RASGRF2: variants seen among roughly 807,000 people sequenced by gnomAD.
The protein encoded by RASGRF2 is ras-specific guanine nucleotide-releasing factor 2.
A neutral mutation model predicts 151.0 loss-of-function variants in RASGRF2; 76 were observed. The ratio of observed to expected loss-of-function variants is 0.50; its 90% CI spans 0.42 to 0.61. The LOEUF is 0.61. Ranked by LOEUF, RASGRF2 falls within the 20% of genes least tolerant of loss-of-function variation. The pLI is 0.00. For synonymous variants in RASGRF2, 504 were observed against 566.5 expected (o/e 0.89, Z 1.57); for missense variants, 1,148 against 1,564.6 (o/e 0.73, Z 4.49).
intron 15 of RASGRF2, among the ~76,000 whole-genome samples, chr5:81,120,251 A>T (rs779640782): frequency 1.3e-5 from 2 of 152,114 alleles, no homozygotes; most frequent in Non-Finnish European, 2.9e-5. Flanking sequence ...TAAGGTGGTC[A>T]TTCAGAGAGA....
intron 1 of RASGRF2, among the ~76,000 whole-genome samples, chr5:81,027,751 G>A (rs994331686): frequency 2.0e-5 from 3 of 152,176 alleles, no homozygotes; most frequent in African/African-American, 7.2e-5. Context: ...TCTGCTATGC[G>A]AAACCTGAAG....
chr5:80,980,731 T>G (rs1748271818), intron 1 of RASGRF2, among the ~76,000 whole-genome samples: 1 of 152,242 alleles, frequency 6.6e-6, no homozygotes, highest in Non-Finnish European at 1.5e-5. Context: ...ACACCCTTTG[T>G]GAATTGTAAT....
intron 17 of RASGRF2, among the ~76,000 whole-genome samples, chr5:81,170,264 T>G (rs2112657810): frequency 6.6e-6 from 1 of 151,890 alleles, no homozygotes; most frequent in Middle Eastern, 3.4e-3. Flanking sequence ...ACCTCACTCT[T>G]GGCCTCTCCT....
chr5:80,989,465 T>C (rs1375765099), intron 1 of RASGRF2, among the ~76,000 whole-genome samples: 2 of 152,240 alleles, frequency 1.3e-5, no homozygotes, highest in African/African-American at 4.8e-5. Flanking sequence ...TGTTTGGCTA[T>C]TGTTTTTTGT....
chr5:81,155,367 G>T (rs930317148), intron 17 of RASGRF2, among the ~76,000 whole-genome samples: 1 of 151,934 alleles, frequency 6.6e-6, no homozygotes, highest in Non-Finnish European at 1.5e-5. Flanking sequence ...CAGTGAAATA[G>T]AAAACAGGAA....
intron 2 of RASGRF2, among the ~76,000 whole-genome samples, chr5:81,061,511 C>CTT (rs201278544): frequency 0.21 from 30,306 of 142,538 alleles, 3,408 homozygotes; most frequent in Middle Eastern, 0.39. Context: ...TTAAGAAGGA[C>CTT]TTTTTTTTTT....
At chr5:81,153,110 G>A (rs1012865506) in intron 17 of RASGRF2, among the ~76,000 whole-genome samples, 3 of 152,072 alleles carry the variant, frequency 2.0e-5, no homozygotes, top group South Asian at 2.1e-4. Flanking sequence ...ACTAAAGAAG[G>A]CATAAAGGAC....
intron 1 of RASGRF2, among the ~76,000 whole-genome samples, chr5:80,969,454 C>CTTT (rs1336281599): frequency 7.9e-6 from 1 of 126,070 alleles, no homozygotes; most frequent in African/African-American, 2.9e-5. Flanking sequence ...TTTCTTTTTT[C>CTTT]TTTTTTTTTT....
At position 81,113,633 on chromosome 5, in the gene RASGRF2, C is replaced by T. The variant is rs780014628; in HGVS notation, c.2183C>T (p.Pro728Leu). The T allele has an allele frequency of 4.3e-5, 69 of 1,611,294 alleles. No homozygotes were observed. Among genetic ancestry groups the T allele is most frequent in the African/African-American group, 1.1e-4 (8 of 74,820 alleles). ...SPRLCRKFSSPPPLAVSRTSS... is the reference protein window; with the variant it reads ...SPRLCRKFSSLPPLAVSRTSS... ...CGTCTGTGTCGCAAATTCTCTTCCCCGCCACCACTGGCTGTGTCCAGAACA... is the reference window on the plus strand; with the variant it reads ...CGTCTGTGTCGCAAATTCTCTTCCCTGCCACCACTGGCTGTGTCCAGAACA... Residue 728 changes from proline (P) to leucine (L), a missense_variant, in exon 15 of 27, where the codon CCG becomes CTG. Pro to Leu is a moderately conservative substitution (Grantham distance 98). This residue lies in a region of RASGRF2 where 646 missense variants were observed against 807.4 expected (regional missense o/e 0.80). Coordinates refer to ENST00000265080, the MANE Select transcript of RASGRF2 (RefSeq NM_006909.3).
chr5:81,005,894 C>G (rs956247693), intron 1 of RASGRF2, among the ~76,000 whole-genome samples: 33 of 152,062 alleles, frequency 2.2e-4, no homozygotes, highest in African/African-American at 8.0e-4. Flanking sequence ...GATTAGAGTT[C>G]CAGGTCAGCG....
chr5:80,999,665 G>T (rs1749016038), intron 1 of RASGRF2, among the ~76,000 whole-genome samples: 1 of 152,144 alleles, frequency 6.6e-6, no homozygotes, highest in African/African-American at 2.4e-5. Context: ...AGGCCAAAAT[G>T]ATAACAGTCT....
chr5:81,112,976 C>A, intron 14 of RASGRF2, 118 bp downstream of exon 14: 3 of 1,314,502 alleles, frequency 2.3e-6, no homozygotes, highest in Non-Finnish European at 3.1e-6. Context: ...ACTAGCTTGC[C>A]TCTGAATGTA....
chr5:81,028,145 G>A (rs1010567721), intron 1 of RASGRF2, among the ~76,000 whole-genome samples: 2 of 151,886 alleles, frequency 1.3e-5, no homozygotes, highest in South Asian at 2.1e-4. Context: ...CACTCTAGAC[G>A]AGCCTGAAAA....
At chr5:81,074,219 A>G (rs1331534361) in intron 5 of RASGRF2, among the ~76,000 whole-genome samples, 1 of 152,196 alleles carries the variant, frequency 6.6e-6, no homozygotes, top group East Asian at 1.9e-4. Flanking sequence ...GCCTGCCTTT[A>G]TGGAACTTAA....
chr5:81,013,049 G>A (rs935158173), intron 1 of RASGRF2, among the ~76,000 whole-genome samples: 7 of 152,106 alleles, frequency 4.6e-5, no homozygotes, highest in Admixed American at 1.3e-4. Context: ...CCCCAAATAC[G>A]GTAATGGCTG....
intron 19 of RASGRF2, among the ~76,000 whole-genome samples, chr5:81,205,336 A>C (rs528228937): frequency 3.9e-4 from 59 of 152,320 alleles, no homozygotes; most frequent in South Asian, 2.5e-3. Context: ...CGCAGAGTAA[A>C]GGAAGGGCCC....
chr5:81,161,382 C>T (rs559031767), intron 17 of RASGRF2, among the ~76,000 whole-genome samples: 5 of 152,344 alleles, frequency 3.3e-5, no homozygotes, highest in East Asian at 3.9e-4. Flanking sequence ...GGCCTCCTGA[C>T]GGCTGGTGCA....
chr5:81,212,513 A>T lies in RASGRF2; in HGVS notation c.3304A>T (p.Arg1102Ter). The T allele has an allele frequency of 6.2e-7, 1 of 1,613,440 alleles. No individual in the cohort carries two copies. The highest frequency in any genetic ancestry group is 8.5e-7 in the Non-Finnish European group (1 of 1,179,720). The change falls in exon 23 of 27, where the codon AGA becomes TGA. Residue 1102 changes from arginine to a stop codon, truncating the protein, a stop_gained. Transcript: ENST00000265080. LOFTEE classifies it high-confidence loss of function. ...GVLEITSALNRSAIYRLKKTW... is the reference protein window; with the variant it reads ...GVLEITSALN ...GCTGGAGATCACCTCGGCCTTAAAC[A>T]GAAGTGCCATCTACAGGCTGAAGAA...
At chr5:81,104,978 C>CAG (rs147890951) in intron 12 of RASGRF2, among the ~76,000 whole-genome samples, 1,918 of 152,300 alleles carry the variant, frequency 0.013, 20 homozygotes, top group Middle Eastern at 0.024. Flanking sequence ...TTGAACCCTG[C>CAG]AGAGTTTCCT....
Sources: gnomAD v4.1 joint callset for allele counts (sites outside exome capture counted in the v4.1 genomes callset) on GRCh38, gnomAD v4.1.1 for gene constraint, gnomAD v4.1.1 regional missense constraint, MANE v1.5 for transcripts, NCBI Gene and HGNC (gene_info 2026-07-23, HGNC 2026-07-21) for gene names.